PDE4D: variants seen among roughly 807,000 people sequenced by gnomAD.
PDE4D encodes the protein 3',5'-cyclic-AMP phosphodiesterase 4D.
A neutral mutation model predicts 87.4 loss-of-function variants in PDE4D; 24 were observed. The ratio of observed to expected loss-of-function variants is 0.27; its 90% CI spans 0.20 to 0.39. PDE4D has a LOEUF of 0.39. PDE4D is among the 10% of genes least tolerant of loss of function. The pLI is 1.00. For synonymous variants in PDE4D, 384 were observed against 383.2 expected (o/e 1.00, Z -0.02); for missense variants, 714 against 1,041.0 (o/e 0.69, Z 4.32).
At chr5:59,136,102 A>T (rs1250337538) in intron 5 of PDE4D, among the ~76,000 whole-genome samples, 1 of 152,186 alleles carries the variant, frequency 6.6e-6, no homozygotes, top group Non-Finnish European at 1.5e-5. Flanking sequence ...TTTTCTTAAT[A>T]TACTCAAAAC....
At chr5:59,373,237 G>C (rs1478547679) in intron 1 of PDE4D, among the ~76,000 whole-genome samples, 1 of 152,174 alleles carries the variant, frequency 6.6e-6, no homozygotes, top group African/African-American at 2.4e-5. Flanking sequence ...GATCATTGAA[G>C]TACAGGAGTA....
At chr5:59,673,975 A>C (rs1272402524) in intron 1 of PDE4D, among the ~76,000 whole-genome samples, 1 of 152,188 alleles carries the variant, frequency 6.6e-6, no homozygotes, top group Non-Finnish European at 1.5e-5. Flanking sequence ...AAGTTAATGA[A>C]GTTTTTGAAA....
At chr5:59,054,170 G>A (rs1273157127) in intron 5 of PDE4D, among the ~76,000 whole-genome samples, 1 of 152,012 alleles carries the variant, frequency 6.6e-6, no homozygotes, top group Non-Finnish European at 1.5e-5. Context: ...CAAGGCCACC[G>A]CTAACAAGAC....
At chr5:59,010,585 G>A (rs565478800) in intron 6 of PDE4D, among the ~76,000 whole-genome samples, 17 of 152,010 alleles carry the variant, frequency 1.1e-4, no homozygotes, top group African/African-American at 1.7e-4. Flanking sequence ...AGTCATCATC[G>A]AATAGCGAAT....
In PDE4D at chr5:59,082,196, A is replaced by G. The variant is rs538744968; in HGVS notation, c.809-43225T>C. On this transcript the variant is annotated intron_variant, in intron 5 of 14. Transcript: ENST00000340635. Reference sequence around the variant, plus strand: ...TCACACTTATTAAAGAGTTGATAGTAAAATAGCACTCTCAGTACAATAAGA... The same window carrying G: ...TCACACTTATTAAAGAGTTGATAGTGAAATAGCACTCTCAGTACAATAAGA... Among the ~76,000 whole-genome samples, 284 of 152,320 alleles carry G rather than the reference A, an allele frequency of 1.9e-3. 1 individual carries two copies. The highest frequency in any genetic ancestry group is 6.6e-3 in the African/African-American group (273 of 41,572).
intron 1 of PDE4D, among the ~76,000 whole-genome samples, chr5:59,729,363 A>T (rs1167256588): frequency 6.6e-6 from 1 of 152,092 alleles, no homozygotes; most frequent in East Asian, 1.9e-4. Flanking sequence ...TATATTTGTG[A>T]TTAAGCTACA....
At chr5:59,380,927 A>C (rs1785689023) in intron 1 of PDE4D, among the ~76,000 whole-genome samples, 1 of 152,182 alleles carries the variant, frequency 6.6e-6, no homozygotes, top group Admixed American at 6.5e-5. Flanking sequence ...CATTCATTAC[A>C]GATTGTCTAC....
chr5:60,229,899 A>C (rs1163914646), intron 1 of PDE4D, among the ~76,000 whole-genome samples: 1 of 152,144 alleles, frequency 6.6e-6, no homozygotes, highest in Non-Finnish European at 1.5e-5. Flanking sequence ...CAGCCCAATC[A>C]GTTTGGATAA....
At chr5:60,017,518 G>A (rs926111898) in intron 2 of PDE4D, among the ~76,000 whole-genome samples, 4 of 152,004 alleles carry the variant, frequency 2.6e-5, no homozygotes, top group Admixed American at 1.3e-4. Flanking sequence ...TCATTGTTCA[G>A]CTCCCACTTA....
In PDE4D at chr5:59,960,488, T is replaced by C. The variant is rs151071995; in HGVS notation, c.272+28000A>G. 5.6e-3 allele frequency among the ~76,000 whole-genome samples: 854 copies of C among 151,994 alleles called. 7 individuals are homozygous for C. The highest frequency in any genetic ancestry group is 0.02 in the African/African-American group (814 of 41,452). On this transcript the variant is annotated intron_variant, in intron 3 of 16. Transcript: ENST00000502484. ...TCAACGGTGGATTGGATAAAGAAAATATGGTACATATACACTGTGGAATAC... is the reference window on the plus strand; with the variant it reads ...TCAACGGTGGATTGGATAAAGAAAACATGGTACATATACACTGTGGAATAC...
intron 2 of PDE4D, among the ~76,000 whole-genome samples, chr5:60,047,853 T>A (rs560872274): frequency 4.7e-4 from 72 of 152,054 alleles, no homozygotes; most frequent in Admixed American, 8.5e-4. Flanking sequence ...TGATTTGGGG[T>A]GGAGAGTTCT....
intron 1 of PDE4D, among the ~76,000 whole-genome samples, chr5:59,888,722 G>C (rs1750521073): frequency 6.6e-6 from 1 of 151,346 alleles, no homozygotes; most frequent in Non-Finnish European, 1.5e-5. Context: ...TAATTATTTT[G>C]GTAATGTGAA....
At chr5:59,116,711 G>A (rs553609300) in intron 5 of PDE4D, among the ~76,000 whole-genome samples, 4 of 152,290 alleles carry the variant, frequency 2.6e-5, no homozygotes, top group African/African-American at 9.6e-5. Context: ...TGACGCTGCA[G>A]CCAGGCAAGA....
At chr5:59,848,470 G>T (rs1744191633) in intron 1 of PDE4D, among the ~76,000 whole-genome samples, 1 of 151,944 alleles carries the variant, frequency 6.6e-6, no homozygotes, top group Non-Finnish European at 1.5e-5. Flanking sequence ...CTGTCTTTAT[G>T]TAAGTTTTTG....
chr5:59,639,812 AGTGTGTGTGTGTGTGTGTGT>A (rs70975323), intron 1 of PDE4D, among the ~76,000 whole-genome samples: 34 of 143,718 alleles, frequency 2.4e-4, no homozygotes, highest in South Asian at 2.3e-4. Flanking sequence ...TAGTGTCTAT[AGTGTGTGTGTGTGTGTGTGT>A]GTGTGTGTGT....
At chr5:60,344,155 A>C (rs1216112461) in intron 1 of PDE4D, among the ~76,000 whole-genome samples, 5 of 152,048 alleles carry the variant, frequency 3.3e-5, no homozygotes, top group Admixed American at 2.6e-4. Flanking sequence ...TTAGACAATA[A>C]AAAAGGTTAG....
At chr5:59,756,509 TACACACACACACAC>T in intron 1 of PDE4D, among the ~76,000 whole-genome samples, 1 of 145,024 alleles carries the variant, frequency 6.9e-6, no homozygotes, top group South Asian at 2.2e-4. Context: ...ACCCAAAACA[TACACACACACACAC>T]ACACACACAC....
rs1156467369 is a variant in PDE4D, at chr5:59,649,905, C to CTTTTTTTTTT, written c.455+243253_455+243262dup. The stretch of plus-strand genomic sequence containing the variant: ...GTTAAAATGTTGATAGTTTGTGAAC[C>CTTTTTTTTTT]TTTTTTTTTTTTTTTTTTTTTTTTT... On this transcript the variant is annotated intron_variant, in intron 1 of 14. Coordinates refer to ENST00000340635, the MANE Select transcript of PDE4D (RefSeq NM_001104631.2). Among the ~76,000 whole-genome samples the CTTTTTTTTTT allele has an allele frequency of 1.2e-3, 88 of 72,432 alleles. 12 individuals carry two copies. Among genetic ancestry groups the CTTTTTTTTTT allele is most frequent in the African/African-American group, 2.8e-3 (42 of 15,162 alleles). 47.5% of individuals were successfully genotyped at this position (72,432 alleles called of 152,430 possible). A position where few individuals can be genotyped will look rare whatever the true frequency, so the allele number is the denominator to read the frequency against.
chr5:59,562,226 A>T (rs960270070), intron 1 of PDE4D, among the ~76,000 whole-genome samples: 2 of 152,192 alleles, frequency 1.3e-5, no homozygotes, highest in African/African-American at 4.8e-5. Flanking sequence ...TTCTTTGGAC[A>T]TGCTCTTAAA....
Sources: gnomAD v4.1 joint callset for allele counts (sites outside exome capture counted in the v4.1 genomes callset) on GRCh38, gnomAD v4.1.1 for gene constraint, MANE v1.5 for transcripts, NCBI Gene and HGNC (gene_info 2026-07-23, HGNC 2026-07-21) for gene names.